MEMO1: variants seen among roughly 807,000 people sequenced by gnomAD.
MEMO1 encodes protein MEMO1.
Under a neutral mutation model 45.2 loss-of-function variants are expected in MEMO1, and 6 were observed. That is an observed-to-expected ratio of 0.13 (90% confidence interval 0.07 to 0.26). The LOEUF (loss-of-function observed/expected upper bound fraction) is 0.26. Among genes scored for constraint, MEMO1 ranks in the 10% least tolerant of loss-of-function variants. The probability of loss-of-function intolerance (pLI) is 1.00; values close to 1 mark genes in which losing one functional copy is unlikely to be tolerated. For missense variants in MEMO1, 184 were observed against 370.5 expected (o/e 0.50, Z 4.13); for synonymous variants, 78 against 124.3 (o/e 0.63, Z 2.48).
chr2:32,004,926 CAA>C (rs770361983), intron 2 of MEMO1, among the ~76,000 whole-genome samples: 3 of 108,516 alleles, frequency 2.8e-5, no homozygotes, highest in Admixed American at 2.0e-4. Flanking sequence ...GACCCCGTTT[CAA>C]AAAAAAAAAA....
rs13383047 is a variant in MEMO1 at position 31,939,010 on chromosome 2, C to A, written c.143+4292G>T. On this transcript the variant is annotated intron_variant, in intron 3 of 9. Coordinates refer to ENST00000404530, the MANE Select transcript of MEMO1 (RefSeq NM_001301833.4). ...ATGTTGCACAGGCTAGTCTCAAACT[C>A]CTGAGCTCAAGCATCTTCCCACCTC... 1.0e-3 allele frequency among the ~76,000 whole-genome samples: 156 copies of A among 151,638 alleles called. 1 individual carries two copies. The highest frequency in any genetic ancestry group is 1.4e-3 in the Non-Finnish European group (96 of 67,902).
intron 4 of MEMO1, chr2:31,923,774 A>C: frequency 6.6e-7 from 1 of 1,513,672 alleles, no homozygotes; most frequent in Non-Finnish European, 8.8e-7. Context: ...TTTTTAAAAT[A>C]ACAATCTAAA....
intron 7 of MEMO1, among the ~76,000 whole-genome samples, chr2:31,889,693 A>G (rs573882053): frequency 1.4e-4 from 22 of 152,188 alleles, no homozygotes; most frequent in Non-Finnish European, 1.9e-4. Flanking sequence ...AATATTATCT[A>G]TGTTACACCT....
intron 2 of MEMO1, among the ~76,000 whole-genome samples, chr2:31,987,263 T>G (rs916825811): frequency 6.6e-6 from 1 of 152,200 alleles, no homozygotes; most frequent in Non-Finnish European, 1.5e-5. Context: ...CCCCCCACAC[T>G]GCTGGTATTA....
At chr2:31,923,289 A>C (rs929043084) in intron 4 of MEMO1, among the ~76,000 whole-genome samples, 3 of 152,028 alleles carry the variant, frequency 2.0e-5, no homozygotes, top group African/African-American at 7.2e-5. Context: ...GTGTCTGTTC[A>C]TGTCCTTTGC....
intron 9 of MEMO1, among the ~76,000 whole-genome samples, chr2:31,869,624 A>T (rs539327999): frequency 2.6e-5 from 4 of 152,242 alleles, no homozygotes; most frequent in Non-Finnish European, 5.9e-5. Flanking sequence ...TCTCTATTCT[A>T]AATAACTTTT....
chr2:32,007,789 G>A (rs1348645308), intron 2 of MEMO1, among the ~76,000 whole-genome samples: 2 of 152,144 alleles, frequency 1.3e-5, no homozygotes, highest in Non-Finnish European at 2.9e-5. Flanking sequence ...TAGGTACACT[G>A]ACAAATATTA....
Position 31,883,444 on chromosome 2 carries a change from C to A in MEMO1, c.599G>T (p.Ser200Ile). 1 of 1,591,822 alleles carries A rather than the reference C, an allele frequency of 6.3e-7. No homozygotes were observed. The highest frequency in any genetic ancestry group is 8.5e-7 in the Non-Finnish European group (1 of 1,170,706). Reference sequence around the variant, plus strand: ...CTCCCCCTGGGATTCATCATAGTAACTGTAACGGAACCTTTGACCTTGAAA... The same window carrying A: ...CTCCCCCTGGGATTCATCATAGTAAATGTAACGGAACCTTTGACCTTGAAA... Reference protein sequence around the residue: ...FCHWGQRFRYSYYDESQGEIY... With the variant: ...FCHWGQRFRYIYYDESQGEIY... The change falls in exon 8 of 10, where the codon AGT becomes ATT. Residue 200 changes from serine to isoleucine, a missense_variant. This residue lies in a region of MEMO1 where 97 missense variants were observed against 209.3 expected (regional missense o/e 0.46). Transcript: ENST00000404530.
chr2:32,002,168 A>AATATAT lies in MEMO1; in HGVS notation c.61+8013_61+8018dup, dbSNP rs1553383011. ...TCAAAAAAAAAAAAAAAAAAAAAAA[A>AATATAT]ATATATATATATATATATACACACA... is the stretch of plus-strand genomic sequence containing the variant. On this transcript the variant is annotated intron_variant, in intron 2 of 9. Coordinates refer to ENST00000404530, the MANE Select transcript of MEMO1 (RefSeq NM_001301833.4). Among the ~76,000 whole-genome samples the AATATAT allele has an allele frequency of 3.2e-3, 243 of 74,830 alleles. 2 individuals carry two copies. Among genetic ancestry groups the AATATAT allele is most frequent in the East Asian group, 6.1e-3 (11 of 1,798 alleles). The allele number at this position is 74,830 out of a possible 152,430, so 49.1% of individuals were successfully genotyped here.
In MEMO1 at chr2:32,010,986, C is replaced by G. The variant is rs1050774619; in HGVS notation, c.-62G>C. The stretch of plus-strand genomic sequence containing the variant: ...TGCCCACTGAGCATGCCCAGCACCG[C>G]TGCCTACCCGCCGAGGAATCTCAAC... On this transcript the variant is annotated 5_prime_UTR_variant, in exon 1 of 10. Transcript: ENST00000404530. 5 of 152,324 alleles carry G rather than the reference C, an allele frequency of 3.3e-5. No individual in the cohort carries two copies. Among genetic ancestry groups the G allele is most frequent in the African/African-American group, 1.2e-4 (5 of 41,466 alleles). The allele number at this position is 152,324 out of a possible 1,614,324, so 9.4% of individuals were successfully genotyped here.
intron 2 of MEMO1, among the ~76,000 whole-genome samples, chr2:31,983,818 G>A (rs1258760465): frequency 1.3e-5 from 2 of 152,198 alleles, no homozygotes; most frequent in Non-Finnish European, 2.9e-5. Context: ...CACAGGGCAG[G>A]AAAATATAAG....
At chr2:31,934,678 G>A (rs1194885425) in intron 3 of MEMO1, among the ~76,000 whole-genome samples, 1 of 152,180 alleles carries the variant, frequency 6.6e-6, no homozygotes, top group Non-Finnish European at 1.5e-5. Context: ...CCAGAGTCAG[G>A]TAAGGGAATA....
chr2:31,986,392 A>G (rs1272964550), intron 2 of MEMO1, among the ~76,000 whole-genome samples: 1 of 152,140 alleles, frequency 6.6e-6, no homozygotes, highest in African/African-American at 2.4e-5. Flanking sequence ...GAATGGCATG[A>G]ACCCGGAAGG....
chr2:31,973,385 C>T (rs1020082163), intron 2 of MEMO1, among the ~76,000 whole-genome samples: 2 of 151,314 alleles, frequency 1.3e-5, no homozygotes, highest in African/African-American at 2.4e-5. Context: ...ACCCAGGAGA[C>T]GGAGGTTGCA....
chr2:31,896,944 C>A (rs1210826416), intron 6 of MEMO1, among the ~76,000 whole-genome samples: 1 of 152,002 alleles, frequency 6.6e-6, no homozygotes, highest in Non-Finnish European at 1.5e-5. Context: ...CCTTCACATC[C>A]CTCGTAAGTT....
At chr2:31,959,443 T>C (rs1195079968) in intron 2 of MEMO1, among the ~76,000 whole-genome samples, 2 of 150,900 alleles carry the variant, frequency 1.3e-5, no homozygotes, top group African/African-American at 2.4e-5. Flanking sequence ...AGAGATGAGA[T>C]CTTTCATGAA....
rs187685453 is a variant in MEMO1, at chr2:31,996,109, A to C, written c.61+14078T>G. ...AATAATATAAAATCAAAAATACATA[A>C]AACAGCCAGGCATGGTGGCTCATGC... On this transcript the variant is annotated intron_variant, in intron 2 of 9. Transcript: ENST00000404530. Among the ~76,000 whole-genome samples the C allele has an allele frequency of 3.9e-5, 6 of 152,146 alleles. No homozygotes were observed. The East Asian group carries it at 9.6e-4, about 24-fold the overall frequency.
At chr2:31,916,103 T>A (rs1386054287) in intron 6 of MEMO1, among the ~76,000 whole-genome samples, 1 of 152,200 alleles carries the variant, frequency 6.6e-6, no homozygotes, top group Non-Finnish European at 1.5e-5. Context: ...TGCTGGCTTT[T>A]AAGTTTCTAT....
intron 8 of MEMO1, among the ~76,000 whole-genome samples, chr2:31,870,930 C>G (rs1422922750): frequency 6.6e-6 from 1 of 152,112 alleles, no homozygotes; most frequent in East Asian, 1.9e-4. Context: ...AGCTTTTTAT[C>G]TCTTTATTCT....
Sources: allele counts gnomAD v4.1 joint callset (sites outside exome capture counted in the v4.1 genomes callset), GRCh38; gene constraint gnomAD v4.1.1; regional missense constraint gnomAD v4.1.1; transcripts MANE v1.5; gene names NCBI Gene and HGNC (gene_info 2026-07-23, HGNC 2026-07-21).